MCHR2: variants seen among roughly 807,000 people sequenced by gnomAD.
MCHR2 encodes melanin concentrating hormone receptor 2, also known as melanin-concentrating hormone receptor 2.
In MCHR2, 15 loss-of-function variants were observed where a neutral mutation model predicts 24.8. The ratio of observed to expected loss-of-function variants is 0.60; its 90% CI spans 0.40 to 0.93. MCHR2 has a LOEUF of 0.93. MCHR2 is among the 40% of genes least tolerant of loss of function. MCHR2 has a pLI of 0.00. For synonymous variants in MCHR2, 151 were observed against 147.6 expected, an observed-to-expected ratio of 1.02 and a Z score of -0.17; for missense variants, 386 against 408.7, an observed-to-expected ratio of 0.94 and a Z score of 0.48.
chr6:99,973,158 T>C (rs1775468214), intron 1 of MCHR2, among the ~76,000 whole-genome samples: 1 of 151,656 alleles, frequency 6.6e-6, no homozygotes, highest in Non-Finnish European at 1.5e-5. Context: ...ATGTTGACAG[T>C]GGGGTGTTAA....
chr6:99,927,157 G>C (rs1774382893), intron 5 of MCHR2, among the ~76,000 whole-genome samples: 1 of 152,044 alleles, frequency 6.6e-6, no homozygotes. Context: ...GATATGCAGT[G>C]TTATTTCTGA....
intron 1 of MCHR2, among the ~76,000 whole-genome samples, chr6:99,991,669 T>C (rs1391410898): frequency 1.3e-5 from 2 of 151,612 alleles, no homozygotes; most frequent in Non-Finnish European, 2.9e-5. Flanking sequence ...TAGCTGGGCA[T>C]GGTGGTGGGC....
At chr6:99,940,102 C>A (rs1774743561) in intron 4 of MCHR2, among the ~76,000 whole-genome samples, 1 of 151,910 alleles carries the variant, frequency 6.6e-6, no homozygotes, top group Admixed American at 6.6e-5. Flanking sequence ...GTTCTCTGAT[C>A]TTCCCATATC....
intron 1 of MCHR2, among the ~76,000 whole-genome samples, chr6:99,986,793 C>A (rs1391134247): frequency 6.6e-6 from 1 of 151,132 alleles, no homozygotes; most frequent in Non-Finnish European, 1.5e-5. Flanking sequence ...CCATGTAACA[C>A]ATGGATATAT....
intron 1 of MCHR2, among the ~76,000 whole-genome samples, chr6:99,971,789 A>G (rs1257439203): frequency 6.6e-6 from 1 of 152,118 alleles, no homozygotes; most frequent in Admixed American, 6.5e-5. Context: ...GAATTTTGTC[A>G]AAGGCCTTTT....
At chr6:99,931,641 C>T (rs920206223) in intron 5 of MCHR2, among the ~76,000 whole-genome samples, 4 of 152,158 alleles carry the variant, frequency 2.6e-5, no homozygotes, top group African/African-American at 9.7e-5. Flanking sequence ...CCCCCTGAGC[C>T]ATGTGCAGGA....
chr6:99,962,878 T>C (rs965676857), intron 1 of MCHR2, among the ~76,000 whole-genome samples: 5 of 152,018 alleles, frequency 3.3e-5, no homozygotes, highest in Non-Finnish European at 7.4e-5. Flanking sequence ...TAGAAGGAAC[T>C]CCTATAACTT....
chr6:99,971,047 TC>T (rs1276215189), intron 1 of MCHR2, among the ~76,000 whole-genome samples: 1 of 152,208 alleles, frequency 6.6e-6, no homozygotes, highest in African/African-American at 2.4e-5. Flanking sequence ...TGATGCAGGC[TC>T]TTTTTTGGTT....
chr6:99,991,272 A>T (rs1775869115), intron 1 of MCHR2, among the ~76,000 whole-genome samples: 1 of 152,148 alleles, frequency 6.6e-6, no homozygotes, highest in South Asian at 2.1e-4. Context: ...CATCCTCCTC[A>T]GGGAAGCTGG....
Position 99,945,188 on chromosome 6 carries a change from G to A in MCHR2, c.393-2045C>T, listed in dbSNP as rs9495920. On this transcript the variant is annotated intron_variant, in intron 3 of 5. Transcript: ENST00000281806. ...CACCACTAGAATGAAAGCCCCATGA[G>A]GGCAGGAGCCTTGACTATTAGTTTA... 2.8e-3 allele frequency among the ~76,000 whole-genome samples: 430 copies of A among 152,308 alleles called. 1 individual carries two copies. Among genetic ancestry groups the A allele is most frequent in the Non-Finnish European group, 4.0e-3 (272 of 68,020 alleles).
rs531355194 is a variant in MCHR2 at position 99,919,494 on chromosome 6, A to G, written c.*1446T>C. On this transcript the variant is annotated 3_prime_UTR_variant, in exon 6 of 6. Coordinates refer to ENST00000281806, the MANE Select transcript of MCHR2 (RefSeq NM_001040179.2). ...GAGAAAACAAATTTAATGTATTTAG[A>G]TGAAGAAGGTGGGTTTACAGACTTT... Among the ~76,000 whole-genome samples the G allele has an allele frequency of 5.9e-4, 90 of 152,314 alleles. 3 individuals carry two copies. In the South Asian group the frequency reaches 0.018, roughly 31 times the overall value.
chr6:99,932,012 G>T lies in MCHR2; in HGVS notation c.707+2386C>A, dbSNP rs1774555570. On this transcript the variant is annotated intron_variant, in intron 5 of 5. Transcript: ENST00000281806. ...CCTCCATGTCCTTTTATTTCTGATTGAAGTTCTCCCTTTAGAATTTCTTGT... is the reference window on the plus strand; with the variant it reads ...CCTCCATGTCCTTTTATTTCTGATTTAAGTTCTCCCTTTAGAATTTCTTGT... 3.9e-5 allele frequency among the ~76,000 whole-genome samples: 6 copies of T among 152,256 alleles called. No individual in the cohort carries two copies. The South Asian group carries it at 1.2e-3, about 32-fold the overall frequency.
intron 3 of MCHR2, among the ~76,000 whole-genome samples, chr6:99,946,853 A>G (rs1774881416): frequency 6.6e-6 from 1 of 152,142 alleles, no homozygotes; most frequent in South Asian, 2.1e-4. Flanking sequence ...TGTTGGAAGT[A>G]CTATGGTTGT....
At chr6:99,970,245 G>C (rs1209854790) in intron 1 of MCHR2, among the ~76,000 whole-genome samples, 1 of 151,812 alleles carries the variant, frequency 6.6e-6, no homozygotes, top group Non-Finnish European at 1.5e-5. Flanking sequence ...TTTTAATGAT[G>C]GCCATTCAAA....
In MCHR2 at chr6:99,956,091, G is replaced by T. The variant is rs200662843; in HGVS notation, c.57C>A (p.Ser19=). Reference sequence around the variant, plus strand: ...TTTGATAAGCAAACTCTTTATTCCAGGATTTGTTTAAAAGTTCGGCAGAGG... The same window carrying T: ...TTTGATAAGCAAACTCTTTATTCCATGATTTGTTTAAAAGTTCGGCAGAGG... The part of the protein sequence containing the change: ...WNTSAELLNK[S]WNKEFAYQTA... Residue 19 remains serine (S), a synonymous_variant, in exon 2 of 6, where the codon TCC becomes TCA. Coordinates refer to ENST00000281806, the MANE Select transcript of MCHR2 (RefSeq NM_001040179.2). 1.2e-6 allele frequency: 2 copies of T among 1,613,234 alleles called. No homozygotes were observed. Among genetic ancestry groups the T allele is most frequent in the Non-Finnish European group, 1.7e-6 (2 of 1,179,610 alleles).
Position 99,930,073 on chromosome 6 carries a change from T to G in MCHR2, c.707+4325A>C, listed in dbSNP as rs1382748928. Among the ~76,000 whole-genome samples the G allele has an allele frequency of 8.7e-4, 132 of 151,266 alleles. 2 individuals carry two copies. Among genetic ancestry groups the G allele is most frequent in the African/African-American group, 3.0e-3 (123 of 40,948 alleles). ...TCTCAGCATTTGCTTGTCTGTAAAG[T>G]ATTTTATTTCTCCTTCACTTACGAA... On this transcript the variant is annotated intron_variant, in intron 5 of 5. Coordinates refer to ENST00000281806, the MANE Select transcript of MCHR2 (RefSeq NM_001040179.2).
intron 1 of MCHR2, among the ~76,000 whole-genome samples, chr6:99,959,953 G>T (rs1379148221): frequency 6.6e-6 from 1 of 151,852 alleles, no homozygotes; most frequent in Non-Finnish European, 1.5e-5. Flanking sequence ...GGGACAGAAA[G>T]CTTATTTAAA....
chr6:99,987,554 T>C (rs1775792381), intron 1 of MCHR2, among the ~76,000 whole-genome samples: 1 of 152,166 alleles, frequency 6.6e-6, no homozygotes, highest in Non-Finnish European at 1.5e-5. Flanking sequence ...AAAAATTAGA[T>C]AACAGAGTCA....
chr6:99,940,409 G>C (rs2114517691), intron 4 of MCHR2, among the ~76,000 whole-genome samples: 1 of 152,034 alleles, frequency 6.6e-6, no homozygotes, highest in South Asian at 2.1e-4. Context: ...GTATTTCTCA[G>C]TTCCAAGATT....
Sources: gnomAD v4.1 joint callset for allele counts (sites outside exome capture counted in the v4.1 genomes callset) on GRCh38, gnomAD v4.1.1 for gene constraint, MANE v1.5 for transcripts, NCBI Gene and HGNC (gene_info 2026-07-23, HGNC 2026-07-21) for gene names.